The following ZNF280D variants were observed in gnomAD, a reference collection of about 807,000 sequenced individuals.
ZNF280D encodes the protein suppressor of hairy wing homolog 4.
A neutral mutation model predicts 94.7 loss-of-function variants in ZNF280D; 39 were observed. The ratio of observed to expected loss-of-function variants is 0.41; its 90% confidence interval spans 0.32 to 0.54. ZNF280D has a LOEUF of 0.54. ZNF280D is among the 20% of genes least tolerant of loss of function. The pLI, the probability that ZNF280D is intolerant of heterozygous loss-of-function variation, is 0.22. For synonymous variants in ZNF280D, 398 were observed against 377.6 expected, an observed-to-expected ratio of 1.05 and a Z score of -0.63; for missense variants, 1,090 against 1,149.3, an observed-to-expected ratio of 0.95 and a Z score of 0.75.
intron 10 of ZNF280D, among the ~76,000 whole-genome samples, chr15:56,681,111 T>A (rs1351497901): frequency 1.3e-5 from 2 of 152,118 alleles, no homozygotes; most frequent in African/African-American, 4.8e-5. Flanking sequence ...GTGAAAAAAC[T>A]TTGAAAATTA....
intron 20 of ZNF280D, chr15:56,635,653 T>C (rs2052318414): frequency 6.6e-6 from 1 of 152,436 alleles, no homozygotes; most frequent in Non-Finnish European, 1.5e-5. Flanking sequence ...GCACAGGTAT[T>C]TAGATAAAAC....
At chr15:56,674,531 T>A (rs2055083574) in intron 13 of ZNF280D, among the ~76,000 whole-genome samples, 1 of 152,224 alleles carries the variant, frequency 6.6e-6, no homozygotes, top group South Asian at 2.1e-4. Flanking sequence ...CCAACTCTGG[T>A]AGAGCAGTAA....
intron 9 of ZNF280D, among the ~76,000 whole-genome samples, chr15:56,684,206 T>C (rs1330201183): frequency 6.6e-6 from 1 of 152,196 alleles, no homozygotes; most frequent in Non-Finnish European, 1.5e-5. Context: ...GAGACTATCC[T>C]GGCAACCTAT....
At chr15:56,669,961 ATT>A (rs1566961053) in intron 13 of ZNF280D, among the ~76,000 whole-genome samples, 46 of 2,340 alleles carry the variant, frequency 0.02, 9 homozygotes, top group African/African-American at 0.074. Flanking sequence ...ATATATATAT[ATT>A]ATATATATAT....
intron 1 of ZNF280D, among the ~76,000 whole-genome samples, chr15:56,723,108 T>C (rs1490090378): frequency 6.6e-6 from 1 of 150,784 alleles, no homozygotes; most frequent in South Asian, 2.1e-4. Context: ...GGGATAGCAC[T>C]GGGAGATACA....
Position 56,631,650 on chromosome 15 carries a change from C to G in ZNF280D, c.2788G>C (p.Glu930Gln). Residue 930 changes from glutamate to glutamine, a missense_variant, in exon 22 of 22, where the codon GAA (glutamate) becomes CAA (glutamine). By Grantham distance (29) the Glu-to-Gln change is conservative. Around this residue, in one of 3 missense-constraint regions of ZNF280D, gnomAD observed 577 missense variants for 568.8 expected, o/e 1.01. Coordinates refer to ENST00000267807, the MANE Select transcript of ZNF280D (RefSeq NM_017661.4). ...CCTTTCTGAAGAATCTCTGTGGCTT[C>G]ATACTCAAGTACCTCGGATGGAGTC... ...PLTPSEVLEY[E>Q]ATEILQKGSG... The G allele has an allele frequency of 6.2e-7, 1 of 1,614,144 alleles. No individual in the cohort carries two copies. Among genetic ancestry groups the G allele is most frequent in the Non-Finnish European group, 8.5e-7 (1 of 1,180,012 alleles).
intron 13 of ZNF280D, among the ~76,000 whole-genome samples, chr15:56,670,591 C>T (rs1203491158): frequency 1.3e-5 from 2 of 152,022 alleles, no homozygotes; most frequent in African/African-American, 4.8e-5. Flanking sequence ...CAGTCCACCA[C>T]TGATGGGCAT....
chr15:56,673,239 A>T (rs1364804668), intron 13 of ZNF280D, among the ~76,000 whole-genome samples: 1 of 151,840 alleles, frequency 6.6e-6, no homozygotes, highest in Non-Finnish European at 1.5e-5. Flanking sequence ...ACAAAATTGA[A>T]CTCGAGATTT....
At chr15:56,665,703 C>CAAA (rs71113013) in intron 16 of ZNF280D, among the ~76,000 whole-genome samples, 4 of 86,418 alleles carry the variant, frequency 4.6e-5, no homozygotes, top group African/African-American at 1.8e-4. Flanking sequence ...GACTCCGTCT[C>CAAA]AAAAAAAAAA....
intron 6 of ZNF280D, among the ~76,000 whole-genome samples, chr15:56,694,213 G>A (rs1271985130): frequency 6.6e-6 from 1 of 151,456 alleles, no homozygotes; most frequent in Admixed American, 6.6e-5. Flanking sequence ...CATACATGGT[G>A]TACATAATTA....
At chr15:56,702,020 A>AC (rs1204611628) in intron 4 of ZNF280D, among the ~76,000 whole-genome samples, 9 of 51,998 alleles carry the variant, frequency 1.7e-4, no homozygotes, top group African/African-American at 3.8e-4. Flanking sequence ...GGTAAAAAGC[A>AC]CCCAAAAAAA....
intron 16 of ZNF280D, among the ~76,000 whole-genome samples, chr15:56,661,957 T>C (rs953425901): frequency 1.4e-4 from 22 of 152,184 alleles, no homozygotes; most frequent in African/African-American, 4.8e-4. Context: ...ACAGTGAAGG[T>C]TGGATTCAAA....
At chr15:56,718,253 T>C (rs1442102853) in intron 1 of ZNF280D, among the ~76,000 whole-genome samples, 10 of 148,690 alleles carry the variant, frequency 6.7e-5, no homozygotes, top group Non-Finnish European at 3.0e-5. Flanking sequence ...ATGAAGCAGT[T>C]AGGTTGAAGC....
chr15:56,677,399 T>G (rs141449239), intron 12 of ZNF280D, among the ~76,000 whole-genome samples, 175 bp downstream of exon 12: 74 of 152,290 alleles, frequency 4.9e-4, no homozygotes, highest in African/African-American at 1.7e-3. Flanking sequence ...AGTACAGAGA[T>G]AAGCAAACAA....
chr15:56,698,900 C>T (rs1453765666), intron 6 of ZNF280D: 1 of 152,126 alleles, frequency 6.6e-6, no homozygotes, highest in African/African-American at 2.4e-5. Context: ...AAATACTTCC[C>T]CAACAGAATT....
At chr15:56,685,468 G>A (rs1364668051) in intron 9 of ZNF280D, among the ~76,000 whole-genome samples, 1 of 152,150 alleles carries the variant, frequency 6.6e-6, no homozygotes, top group Non-Finnish European at 1.5e-5. Context: ...AAGGTGAAGA[G>A]TTCATAGATT....
At chr15:56,650,250 T>C (rs1219177692) in intron 19 of ZNF280D, among the ~76,000 whole-genome samples, 1 of 152,148 alleles carries the variant, frequency 6.6e-6, no homozygotes, top group African/African-American at 2.4e-5. Context: ...TATATCATAC[T>C]GTGAATGAGC....
At chr15:56,697,091 G>A (rs917025724) in intron 6 of ZNF280D, among the ~76,000 whole-genome samples, 1 of 151,890 alleles carries the variant, frequency 6.6e-6, no homozygotes, top group Non-Finnish European at 1.5e-5. Flanking sequence ...CTTATAATAA[G>A]CATAAAAGAA....
At chr15:56,695,453 A>T (rs1037953230) in intron 6 of ZNF280D, among the ~76,000 whole-genome samples, 3 of 152,334 alleles carry the variant, frequency 2.0e-5, no homozygotes, top group Admixed American at 2.0e-4. Flanking sequence ...AAAATTAGTT[A>T]TAACAGAAAA....
Sources: gnomAD v4.1 joint callset for allele counts (sites outside exome capture counted in the v4.1 genomes callset) on GRCh38, gnomAD v4.1.1 for gene constraint, gnomAD v4.1.1 regional missense constraint, MANE v1.5 for transcripts, NCBI Gene and HGNC (gene_info 2026-07-23, HGNC 2026-07-21) for gene names.